ZMAT4: variants seen among roughly 807,000 people sequenced by gnomAD.
ZMAT4 encodes the protein zinc finger matrin-type protein 4.
Under a neutral mutation model 28.7 loss-of-function variants are expected in ZMAT4, and 17 were observed. The observed-to-expected ratio is 0.59, with a 90% CI of 0.41 to 0.89. The LOEUF (loss-of-function observed/expected upper bound fraction) is 0.89, where lower values mean the gene tolerates loss of function less well. Among genes scored for constraint, ZMAT4 ranks in the 40% least tolerant of loss-of-function variants. The pLI is 0.00. For missense variants in ZMAT4, 240 were observed against 283.8 expected (o/e 0.85, Z 1.11); for synonymous variants, 117 against 109.2 (o/e 1.07, Z -0.44).
At chr8:40,538,416 C>T (rs1304075029) in intron 6 of ZMAT4, among the ~76,000 whole-genome samples, 1 of 152,154 alleles carries the variant, frequency 6.6e-6, no homozygotes, top group Non-Finnish European at 1.5e-5. Context: ...ATGTCTCTTG[C>T]CTCCCTAAAA....
intron 3 of ZMAT4, among the ~76,000 whole-genome samples, chr8:40,766,716 C>T (rs1211540288): frequency 6.6e-6 from 1 of 152,242 alleles, no homozygotes; most frequent in Non-Finnish European, 1.5e-5. Flanking sequence ...CTCACAACCT[C>T]TGCTCATAGG....
At chr8:40,687,735 T>C (rs933081244) in intron 4 of ZMAT4, among the ~76,000 whole-genome samples, 2 of 152,180 alleles carry the variant, frequency 1.3e-5, no homozygotes, top group Non-Finnish European at 2.9e-5. Flanking sequence ...TCCCTCACCT[T>C]CTCATCAGCA....
At chr8:40,870,728 A>G (rs1817827882) in intron 1 of ZMAT4, among the ~76,000 whole-genome samples, 1 of 152,240 alleles carries the variant, frequency 6.6e-6, no homozygotes, top group South Asian at 2.1e-4. Flanking sequence ...GCTGAAAAAC[A>G]TAATTGCTGA....
intron 4 of ZMAT4, among the ~76,000 whole-genome samples, chr8:40,683,963 G>A (rs961309791): frequency 3.9e-5 from 6 of 151,990 alleles, no homozygotes; most frequent in African/African-American, 1.5e-4. Context: ...CACACAGGGA[G>A]GGGCTTAGAT....
At chr8:40,674,967 T>G in intron 4 of ZMAT4, 36 bp from the exon 5 acceptor site, 2 of 1,547,570 alleles carry the variant, frequency 1.3e-6, no homozygotes, top group East Asian at 2.2e-5. Context: ...CACAGCCACG[T>G]TAGTCCAACA....
At chr8:40,884,867 G>A in intron 1 of ZMAT4, 1 of 152,296 alleles carries the variant, frequency 6.6e-6, no homozygotes, top group Non-Finnish European at 1.5e-5. Context: ...GTCCTCTATG[G>A]CTGCTTCCGT....
intron 3 of ZMAT4, among the ~76,000 whole-genome samples, chr8:40,702,882 T>A (rs1298091187): frequency 6.6e-6 from 1 of 152,160 alleles, no homozygotes; most frequent in African/African-American, 2.4e-5. Flanking sequence ...CAGAAAATGC[T>A]AAAGAAACAC....
intron 5 of ZMAT4, among the ~76,000 whole-genome samples, chr8:40,667,552 A>G (rs1808472703): frequency 6.6e-6 from 1 of 152,182 alleles, no homozygotes; most frequent in South Asian, 2.1e-4. Context: ...ATCTCCACGT[A>G]AGCAGTTTGT....
chr8:40,647,494 G>A lies in ZMAT4; in HGVS notation c.577+27210C>T, dbSNP rs191472957. Among the ~76,000 whole-genome samples the A allele has an allele frequency of 2.4e-3, 359 of 152,266 alleles. 8 individuals are homozygous for A. In the East Asian group the frequency reaches 0.06, roughly 25 times the overall value. On this transcript the variant is annotated intron_variant, in intron 5 of 6. Coordinates refer to ENST00000297737, the MANE Select transcript of ZMAT4 (RefSeq NM_024645.3). The stretch of plus-strand genomic sequence containing the variant: ...CAAACTGCAAGGTGGCAGCGAGGCT[G>A]GGGGAGGGGCGCCCACCATTGCCCA...
intron 3 of ZMAT4, among the ~76,000 whole-genome samples, chr8:40,729,582 C>CTTCTTTCT (rs138234442): frequency 1.1e-4 from 15 of 140,728 alleles, no homozygotes; most frequent in African/African-American, 1.6e-4. Flanking sequence ...TCTTTGTATA[C>CTTCTTTCT]TTCTTTCTTT....
At chr8:40,783,608 A>G (rs745678378) in intron 2 of ZMAT4, among the ~76,000 whole-genome samples, 11 of 152,218 alleles carry the variant, frequency 7.2e-5, no homozygotes, top group Non-Finnish European at 1.3e-4. Flanking sequence ...TAAAAATTAA[A>G]GTTATAAAAA....
At chr8:40,663,923 G>A (rs1323288419) in intron 5 of ZMAT4, among the ~76,000 whole-genome samples, 1 of 152,136 alleles carries the variant, frequency 6.6e-6, no homozygotes, top group Non-Finnish European at 1.5e-5. Context: ...TTGATTAAAT[G>A]TAATCAAAGT....
intron 1 of ZMAT4, among the ~76,000 whole-genome samples, chr8:40,851,176 A>T (rs1287581651): frequency 6.6e-6 from 1 of 152,076 alleles, no homozygotes; most frequent in Non-Finnish European, 1.5e-5. Flanking sequence ...AAAATATAAA[A>T]CTTAGCTGGG....
intron 4 of ZMAT4, among the ~76,000 whole-genome samples, chr8:40,695,768 A>ATTTTTT (rs756360990): frequency 1.2e-4 from 7 of 58,468 alleles, no homozygotes; most frequent in African/African-American, 2.7e-4. Context: ...CCATGTGGCA[A>ATTTTTT]TTTTTTTTTT....
rs189806287 is a variant in ZMAT4 at position 40,579,916 on chromosome 8, C to T, written c.674+1249G>A. On this transcript the variant is annotated intron_variant, in intron 6 of 6. Transcript: ENST00000297737. ...GCTCCCTCCCCCATGCTTAAAGCTCCGGGTGCACACGTGGCATTAGAGAAC... is the reference window on the plus strand; with the variant it reads ...GCTCCCTCCCCCATGCTTAAAGCTCTGGGTGCACACGTGGCATTAGAGAAC... Among the ~76,000 whole-genome samples the T allele has an allele frequency of 9.8e-4, 149 of 151,978 alleles. 1 individual carries two copies. The highest frequency in any genetic ancestry group is 1.8e-3 in the Non-Finnish European group (125 of 67,956).
chr8:40,538,674 C>T (rs1044050768), intron 6 of ZMAT4, among the ~76,000 whole-genome samples: 2 of 152,164 alleles, frequency 1.3e-5, no homozygotes, highest in African/African-American at 4.8e-5. Flanking sequence ...TTGTTTCCAA[C>T]CCCTAGCTCC....
chr8:40,797,278 T>A (rs963808737), intron 2 of ZMAT4, among the ~76,000 whole-genome samples: 1 of 152,218 alleles, frequency 6.6e-6, no homozygotes, highest in Non-Finnish European at 1.5e-5. Context: ...CCTCTGCCGG[T>A]GCACTTAGGG....
intron 1 of ZMAT4, among the ~76,000 whole-genome samples, chr8:40,844,989 C>T (rs117467734): frequency 0.017 from 2,639 of 152,246 alleles, 51 homozygotes; most frequent in Non-Finnish European, 0.029. Context: ...GGTGACCTCA[C>T]GACCATAAAC....
At chr8:40,729,139 G>A (rs147317274) in intron 3 of ZMAT4, among the ~76,000 whole-genome samples, 124 of 152,264 alleles carry the variant, frequency 8.1e-4, no homozygotes, top group Non-Finnish European at 1.5e-3. Flanking sequence ...TTTCACTTCT[G>A]TTCACATTCC....
Sources: gnomAD v4.1 joint callset for allele counts (sites outside exome capture counted in the v4.1 genomes callset) on GRCh38, gnomAD v4.1.1 for gene constraint, MANE v1.5 for transcripts, NCBI Gene and HGNC (gene_info 2026-07-23, HGNC 2026-07-21) for gene names.